The following ALKBH1 variants were observed in gnomAD, a reference collection of about 807,000 sequenced individuals.
ALKBH1 encodes nucleic acid dioxygenase ALKBH1.
ALKBH1 carries 31 observed loss-of-function variants against 36.6 expected under a neutral mutation model. The ratio of observed to expected loss-of-function variants is 0.85; its 90% CI spans 0.64 to 1.14. The LOEUF (loss-of-function observed/expected upper bound fraction) is 1.14. Among genes scored for constraint, ALKBH1 ranks in the 50% most tolerant of loss-of-function variants. The pLI is 0.00. For missense variants in ALKBH1, 490 were observed against 497.3 expected, an observed-to-expected ratio of 0.99 and a Z score of 0.14; for synonymous variants, 183 against 186.6, an observed-to-expected ratio of 0.98 and a Z score of 0.16.
At position 77,673,014 on chromosome 14, in the gene ALKBH1, T is replaced by G. The variant is rs1344607962; in HGVS notation, c.*798A>C. On this transcript the variant is annotated 3_prime_UTR_variant, in exon 6 of 6. Transcript: ENST00000216489. ...CAGAAAAAAAAACCTTAATCCCAGA[T>G]AGACTAAACCCCAAAGACAGATATA... 6.6e-6 allele frequency: 1 copy of G among 152,168 alleles called. No individual in the cohort carries two copies. Among genetic ancestry groups the G allele is most frequent in the Non-Finnish European group, 1.5e-5 (1 of 68,028 alleles). 9.4% of individuals were successfully genotyped at this position (152,168 alleles called of 1,614,324 possible).
At chr14:77,701,585 G>A (rs930381138) in intron 2 of ALKBH1, among the ~76,000 whole-genome samples, 1 of 152,086 alleles carries the variant, frequency 6.6e-6, no homozygotes, top group Non-Finnish European at 1.5e-5. Context: ...TGTTCAAGAG[G>A]ATGTGTCCTC....
At position 77,672,851 on chromosome 14, in the gene ALKBH1, A is replaced by C. The variant is rs2080183623; in HGVS notation, c.*961T>G. The C allele has an allele frequency of 6.6e-6, 1 of 152,224 alleles. No individual in the cohort carries two copies. Among genetic ancestry groups the C allele is most frequent in the Admixed American group, 6.5e-5 (1 of 15,268 alleles). The allele number at this position is 152,224 out of a possible 1,614,324, so 9.4% of individuals were successfully genotyped here. ...TCCAAGCTGCCTACCCTCAGACAAT[A>C]ACAGCAGTGACTGGAATATTAAGAA... On this transcript the variant is annotated 3_prime_UTR_variant, in exon 6 of 6. Coordinates refer to ENST00000216489, the MANE Select transcript of ALKBH1 (RefSeq NM_006020.3).
intron 3 of ALKBH1, among the ~76,000 whole-genome samples, chr14:77,688,402 C>G (rs72685267): frequency 6.6e-6 from 1 of 151,758 alleles, no homozygotes; most frequent in Non-Finnish European, 1.5e-5. Context: ...ACTAGAGGTG[C>G]GTGCTGCCAT....
intron 2 of ALKBH1, among the ~76,000 whole-genome samples, chr14:77,702,071 G>A (rs2080362342): frequency 6.6e-6 from 1 of 152,202 alleles, no homozygotes; most frequent in Non-Finnish European, 1.5e-5. Flanking sequence ...GGTCAAGGCA[G>A]GTGGATCACC....
intron 3 of ALKBH1, among the ~76,000 whole-genome samples, chr14:77,686,844 G>A (rs1049123474): frequency 3.3e-5 from 5 of 152,098 alleles, no homozygotes; most frequent in Non-Finnish European, 2.9e-5. Flanking sequence ...GGATGGTCTC[G>A]ATTTCTTGAC....
intron 3 of ALKBH1, among the ~76,000 whole-genome samples, chr14:77,681,744 C>T (rs150359755): frequency 2.7e-4 from 41 of 152,330 alleles, no homozygotes; most frequent in African/African-American, 6.0e-4. Flanking sequence ...GGTTTATGGT[C>T]AACACCTGCT....
chr14:77,679,181 C>T (rs1272995345), intron 4 of ALKBH1, among the ~76,000 whole-genome samples: 3 of 151,978 alleles, frequency 2.0e-5, no homozygotes, highest in Non-Finnish European at 4.4e-5. Context: ...CATGGAGCTT[C>T]TTTTACTCCA....
At chr14:77,691,961 C>T (rs556317985) in intron 3 of ALKBH1, 1 of 152,294 alleles carries the variant, frequency 6.6e-6, no homozygotes, top group South Asian at 2.1e-4. Context: ...ATTTTCCTCA[C>T]TGCTCCTGTT....
intron 1 of ALKBH1, among the ~76,000 whole-genome samples, chr14:77,706,104 C>CAT (rs72210300): frequency 0.16 from 22,970 of 147,422 alleles, 1,835 homozygotes; most frequent in East Asian, 0.25. Flanking sequence ...TATACACACA[C>CAT]ACATATATAT....
At chr14:77,679,129 T>C (rs914966879) in intron 4 of ALKBH1, among the ~76,000 whole-genome samples, 19 of 152,158 alleles carry the variant, frequency 1.2e-4, no homozygotes, top group Admixed American at 1.2e-3. Flanking sequence ...TATCCATATG[T>C]TGAAAGTTCT....
intron 3 of ALKBH1, among the ~76,000 whole-genome samples, chr14:77,692,580 G>A (rs1410241325): frequency 6.6e-6 from 1 of 152,202 alleles, no homozygotes; most frequent in Non-Finnish European, 1.5e-5. Flanking sequence ...ATGCTTGGCT[G>A]TCTAGGTCTG....
chr14:77,702,858 A>T (rs1334195994), intron 2 of ALKBH1, among the ~76,000 whole-genome samples: 1 of 152,054 alleles, frequency 6.6e-6, no homozygotes, highest in Non-Finnish European at 1.5e-5. Flanking sequence ...TTGGCTAATT[A>T]AAAACATTTT....
Position 77,674,245 on chromosome 14 carries a change from C to T in ALKBH1, c.741-4G>A, listed in dbSNP as rs927314769. ...AAAGATGGCGGACTGTCCAAAGCTA[C>T]AAAAAATAAGTAAAAACACACAACA... On this transcript the variant is annotated splice_region_variant and splice_polypyrimidine_tract_variant and intron_variant, in intron 5 of 5. Transcript: ENST00000216489. The T allele has an allele frequency of 1.3e-6, 2 of 1,546,192 alleles. No individual in the cohort carries two copies. Among genetic ancestry groups the T allele is most frequent in the South Asian group, 2.4e-5 (2 of 82,080 alleles).
rs938478123 is a variant in ALKBH1 at position 77,672,501 on chromosome 14, G to A, written c.*1311C>T. On this transcript the variant is annotated 3_prime_UTR_variant, in exon 6 of 6. Transcript: ENST00000216489. The stretch of plus-strand genomic sequence containing the variant: ...AGTAATTTAAAAAAGGGGCAGAGCA[G>A]GACAGAGGAGACATGTAAACTTAAT... 2 of 152,360 alleles carry A rather than the reference G, an allele frequency of 1.3e-5. No homozygotes were observed. Among genetic ancestry groups the A allele is most frequent in the East Asian group, 1.9e-4 (1 of 5,190 alleles). The allele number at this position is 152,360 out of a possible 1,614,324, so 9.4% of individuals were successfully genotyped here.
At chr14:77,693,540 G>A (rs902926352) in intron 3 of ALKBH1, among the ~76,000 whole-genome samples, 4 of 152,232 alleles carry the variant, frequency 2.6e-5, no homozygotes, top group East Asian at 1.9e-4. Context: ...CTCTTGTCTC[G>A]CAGGACGATT....
chr14:77,704,190 T>C (rs1235300227), intron 2 of ALKBH1, among the ~76,000 whole-genome samples, 179 bp downstream of exon 2: 1 of 152,222 alleles, frequency 6.6e-6, no homozygotes, highest in South Asian at 2.1e-4. Context: ...TGTTCTATCC[T>C]TTCAAAACGG....
In ALKBH1 at chr14:77,704,612, T is replaced by C. The variant is rs570315310; in HGVS notation, c.184-135A>G. On this transcript the variant is annotated intron_variant, in intron 1 of 5. Coordinates refer to ENST00000216489, the MANE Select transcript of ALKBH1 (RefSeq NM_006020.3). ...GTTTAAGATACAGAACCTTGCTCTA[T>C]TGCTCAGGCGAGTGCAGAGGCATGA... The C allele has an allele frequency of 1.2e-5, 8 of 675,078 alleles. No homozygotes were observed. The African/African-American group carries it at 1.2e-4, about 10-fold the overall frequency. 41.8% of individuals were successfully genotyped at this position (675,078 alleles called of 1,614,324 possible). A position where few individuals can be genotyped will look rare whatever the true frequency, so the allele number is the denominator to read the frequency against.
At chr14:77,702,386 T>C (rs761509303) in intron 2 of ALKBH1, among the ~76,000 whole-genome samples, 5 of 152,216 alleles carry the variant, frequency 3.3e-5, no homozygotes, top group Non-Finnish European at 7.4e-5. Context: ...TGGTGATGCA[T>C]GCTCTACATT....
At chr14:77,679,724 C>A (rs1168761274) in intron 4 of ALKBH1, among the ~76,000 whole-genome samples, 156 bp downstream of exon 4, 5 of 152,324 alleles carry the variant, frequency 3.3e-5, no homozygotes, top group Non-Finnish European at 5.9e-5. Flanking sequence ...AGCCACGGCA[C>A]CTGGCCCAGT....
Sources: gnomAD v4.1 joint callset for allele counts (sites outside exome capture counted in the v4.1 genomes callset) on GRCh38, gnomAD v4.1.1 for gene constraint, MANE v1.5 for transcripts, NCBI Gene and HGNC (gene_info 2026-07-23, HGNC 2026-07-21) for gene names.